The following SOX11 variants were observed in gnomAD, a reference collection of about 807,000 sequenced individuals.
SOX11 encodes the protein transcription factor SOX-11.
Under a neutral mutation model 16.7 loss-of-function variants are expected in SOX11, and 5 were observed. The observed-to-expected ratio is 0.30, with a 90% CI of 0.16 to 0.63. The LOEUF (loss-of-function observed/expected upper bound fraction) is 0.63, where lower values mean the gene tolerates loss of function less well. SOX11 is among the 20% of genes least tolerant of loss of function. SOX11 has a pLI of 0.82. For missense variants in SOX11, 492 were observed against 641.5 expected, an observed-to-expected ratio of 0.77 and a Z score of 2.52; for synonymous variants, 363 against 298.8, an observed-to-expected ratio of 1.21 and a Z score of -2.22.
chr2:5,695,113 T>C lies in SOX11; in HGVS notation c.*1066T>C, dbSNP rs912311373. ...TTGATTTCTTTTTTTTCCTCTGTTTTTTAGCATGCAAGTATGTTGGTACGT... is the reference window on the plus strand; with the variant it reads ...TTGATTTCTTTTTTTTCCTCTGTTTCTTAGCATGCAAGTATGTTGGTACGT... On this transcript the variant is annotated 3_prime_UTR_variant, in exon 1 of 1. Coordinates refer to ENST00000322002, the MANE Select transcript of SOX11 (RefSeq NM_003108.4). 6.0e-6 allele frequency: 1 copy of C among 167,020 alleles called. No homozygotes were observed. Among genetic ancestry groups the C allele is most frequent in the African/African-American group, 2.4e-5 (1 of 41,436 alleles). The allele number at this position is 167,020 out of a possible 1,614,324, so 10.3% of individuals were successfully genotyped here.
In SOX11 at chr2:5,699,408, T is replaced by G. The variant is rs1665797155; in HGVS notation, c.*5361T>G. On this transcript the variant is annotated 3_prime_UTR_variant, in exon 1 of 1. Coordinates refer to ENST00000322002, the MANE Select transcript of SOX11 (RefSeq NM_003108.4). The stretch of plus-strand genomic sequence containing the variant: ...GGATAACAAGAATGAGCCTTACCTA[T>G]CCTAACACAGGGATTTACAAGTTCC... 6.0e-6 allele frequency: 1 copy of G among 167,068 alleles called. No individual in the cohort carries two copies. The highest frequency in any genetic ancestry group is 2.4e-5 in the African/African-American group (1 of 41,470). 10.3% of individuals were successfully genotyped at this position (167,068 alleles called of 1,614,324 possible). A position where few individuals can be genotyped will look rare whatever the true frequency, so the allele number is the denominator to read the frequency against.
At position 5,695,764 on chromosome 2, in the gene SOX11, G is replaced by T. The variant is rs1001004618; in HGVS notation, c.*1717G>T. Reference sequence around the variant, plus strand: ...GCAGGAGAGAATTCTACATTTAGGGGGTTAGGCTGAAAAGTGTTCAATTAG... The same window carrying T: ...GCAGGAGAGAATTCTACATTTAGGGTGTTAGGCTGAAAAGTGTTCAATTAG... On this transcript the variant is annotated 3_prime_UTR_variant, in exon 1 of 1. Transcript: ENST00000322002. The T allele has an allele frequency of 1.8e-5, 3 of 167,168 alleles. No homozygotes were observed. Among genetic ancestry groups the T allele is most frequent in the African/African-American group, 4.8e-5 (2 of 41,400 alleles). The allele number at this position is 167,168 out of a possible 1,614,324, so 10.4% of individuals were successfully genotyped here. A position where few individuals can be genotyped will look rare whatever the true frequency, so the allele number is the denominator to read the frequency against.
chr2:5,695,180 T>C lies in SOX11; in HGVS notation c.*1133T>C, dbSNP rs932211256. 1 of 166,786 alleles carries C rather than the reference T, an allele frequency of 6.0e-6. No homozygotes were observed. Among genetic ancestry groups the C allele is most frequent in the African/African-American group, 2.4e-5 (1 of 41,330 alleles). 10.3% of individuals were successfully genotyped at this position (166,786 alleles called of 1,614,324 possible). ...AAGGATTAAAATTTTAAAATAATCC[T>C]TGCATCTAAAGGCCTTGTGGTTTAA... On this transcript the variant is annotated 3_prime_UTR_variant, in exon 1 of 1. Coordinates refer to ENST00000322002, the MANE Select transcript of SOX11 (RefSeq NM_003108.4).
In SOX11 at chr2:5,693,632, G is replaced by T; in HGVS notation, c.911G>T (p.Gly304Val). 2 of 1,578,690 alleles carry T rather than the reference G, an allele frequency of 1.3e-6. No homozygotes were observed. ...GAGGTGCGGGCCGGCGCGACCTCGG[G>T]CGCCGGGGGCGGCAGCCGCCTCTAC... is the stretch of plus-strand genomic sequence containing the variant. ...YDEVRAGATS[G>V]AGGGSRLYYS... Residue 304 changes from glycine (G) to valine (V), a missense_variant, in exon 1 of 1, where the codon GGC (glycine) becomes GTC (valine). This residue lies in a region of SOX11 where 389 missense variants were observed against 389.0 expected (regional missense o/e 1.00). Transcript: ENST00000322002. The surrounding 1 kb of genome is among the most constrained non-coding windows in gnomAD (Gnocchi z 8.6).
rs183357547 is a variant in SOX11 at position 5,695,463 on chromosome 2, T to C, written c.*1416T>C. 6.0e-6 allele frequency: 1 copy of C among 166,690 alleles called. No individual in the cohort carries two copies. The highest frequency in any genetic ancestry group is 6.6e-5 in the Admixed American group (1 of 15,254). 10.3% of individuals were successfully genotyped at this position (166,690 alleles called of 1,614,324 possible). The stretch of plus-strand genomic sequence containing the variant: ...AAAAAGGCACATAGTTTAAAAAGTT[T>C]CTCATTTTGTGCAATATAATCTAAA... On this transcript the variant is annotated 3_prime_UTR_variant, in exon 1 of 1. Coordinates refer to ENST00000322002, the MANE Select transcript of SOX11 (RefSeq NM_003108.4).
Position 5,693,297 on chromosome 2 carries a change from G to A in SOX11, c.576G>A (p.Gly192=), listed in dbSNP as rs1187955631. Residue 192 remains glycine (G), a synonymous_variant, in exon 1 of 1, where the codon GGG becomes GGA. Transcript: ENST00000322002. The surrounding 1 kb of genome is among the most constrained non-coding windows in gnomAD (Gnocchi z 8.6). ...AGKAAQSGDY[G]GAGDDYVLGS... ...AGGCGGCCCAGTCCGGGGACTACGGGGGCGCGGGCGACGACTACGTGCTGG... is the reference window on the plus strand; with the variant it reads ...AGGCGGCCCAGTCCGGGGACTACGGAGGCGCGGGCGACGACTACGTGCTGG... 1 of 1,537,992 alleles carries A rather than the reference G, an allele frequency of 6.5e-7. No homozygotes were observed. The highest frequency in any genetic ancestry group is 8.7e-7 in the Non-Finnish European group (1 of 1,150,560).
chr2:5,694,235 T>C lies in SOX11; in HGVS notation c.*188T>C. The C allele has an allele frequency of 2.7e-6, 2 of 749,996 alleles. No individual in the cohort carries two copies. The highest frequency in any genetic ancestry group is 4.0e-6 in the Non-Finnish European group (2 of 497,616). 46.5% of individuals were successfully genotyped at this position (749,996 alleles called of 1,614,324 possible). A position where few individuals can be genotyped will look rare whatever the true frequency, so the allele number is the denominator to read the frequency against. On this transcript the variant is annotated 3_prime_UTR_variant, in exon 1 of 1. Transcript: ENST00000322002. ...ATAAGATGTCGTGACGCAAAGAAAT[T>C]GGAAAACATGATGAAAATTTTGGTG...
Position 5,693,982 on chromosome 2 carries a change from C to T in SOX11, c.1261C>T (p.Leu421=). 1.9e-6 allele frequency: 3 copies of T among 1,551,636 alleles called. No individual in the cohort carries two copies. Among genetic ancestry groups the T allele is most frequent in the Admixed American group, 2.0e-5 (1 of 51,010 alleles). The part of the protein sequence containing the change: ...FEFPDYCTPE[L]SEMIAGDWLE... ...GTTCCCCGACTACTGCACGCCGGAG[C>T]TGAGCGAGATGATCGCGGGGGACTG... is the stretch of plus-strand genomic sequence containing the variant. The change falls in exon 1 of 1, where the codon CTG becomes TTG. Residue 421 remains leucine (L), a synonymous_variant. Transcript: ENST00000322002. This position sits in a 1 kb window ranked among gnomAD's most constrained non-coding sequence, Gnocchi z 8.6.
rs987183226 is a variant in SOX11, at chr2:5,694,156, T to G, written c.*109T>G. 7.2e-5 allele frequency: 99 copies of G among 1,374,700 alleles called. No individual in the cohort carries two copies. The highest frequency in any genetic ancestry group is 8.9e-5 in the Non-Finnish European group (92 of 1,033,510). 85.2% of individuals were successfully genotyped at this position (1,374,700 alleles called of 1,614,324 possible). A position where few individuals can be genotyped will look rare whatever the true frequency, so the allele number is the denominator to read the frequency against. ...GATAATGATGATGATGATGGTGGTG[T>G]TGATGGTGGCGGTGGTAGGGTGGAG... On this transcript the variant is annotated 3_prime_UTR_variant, in exon 1 of 1. Coordinates refer to ENST00000322002, the MANE Select transcript of SOX11 (RefSeq NM_003108.4).
In SOX11 at chr2:5,693,611, T is replaced by A; in HGVS notation, c.890T>A (p.Val297Glu). ...SPEGASLYDEVRAGATSGAGG... is the reference protein window; with the variant it reads ...SPEGASLYDEERAGATSGAGG... ...GAGGGAGCGAGCCTCTACGACGAGGTGCGGGCCGGCGCGACCTCGGGCGCC... is the reference window on the plus strand; with the variant it reads ...GAGGGAGCGAGCCTCTACGACGAGGAGCGGGCCGGCGCGACCTCGGGCGCC... Residue 297 changes from valine to glutamate, a missense_variant, in exon 1 of 1, where the codon GTG becomes GAG. Val to Glu is a moderately radical substitution (Grantham distance 121). This residue lies in a region of SOX11 where 389 missense variants were observed against 389.0 expected (regional missense o/e 1.00). Coordinates refer to ENST00000322002, the MANE Select transcript of SOX11 (RefSeq NM_003108.4). This position sits in a 1 kb window ranked among gnomAD's most constrained non-coding sequence, Gnocchi z 8.6. The A allele has an allele frequency of 3.2e-6, 5 of 1,565,134 alleles. No homozygotes were observed. The highest frequency in any genetic ancestry group is 4.3e-6 in the Non-Finnish European group (5 of 1,163,556).
chr2:5,697,501 C>G lies in SOX11; in HGVS notation c.*3454C>G, dbSNP rs1030034731. 1 of 165,634 alleles carries G rather than the reference C, an allele frequency of 6.0e-6. No individual in the cohort carries two copies. The highest frequency in any genetic ancestry group is 2.4e-5 in the African/African-American group (1 of 41,280). 10.3% of individuals were successfully genotyped at this position (165,634 alleles called of 1,614,324 possible). Reference sequence around the variant, plus strand: ...GCCTCTCACCCGCCCCCCAGCCTCCCGCTCTGGGCGAGCCTCCTCCCCAGC... The same window carrying G: ...GCCTCTCACCCGCCCCCCAGCCTCCGGCTCTGGGCGAGCCTCCTCCCCAGC... On this transcript the variant is annotated 3_prime_UTR_variant, in exon 1 of 1. Coordinates refer to ENST00000322002, the MANE Select transcript of SOX11 (RefSeq NM_003108.4).
In SOX11 at chr2:5,698,048, A is replaced by G. The variant is rs1474633855; in HGVS notation, c.*4001A>G. On this transcript the variant is annotated 3_prime_UTR_variant, in exon 1 of 1. Transcript: ENST00000322002. ...GTCAAGATTTTTTTTTTTTAAAGCC[A>G]TGTGGCCTAACTTGATACAAAAATA... 6.0e-6 allele frequency: 1 copy of G among 166,850 alleles called. No homozygotes were observed. Among genetic ancestry groups the G allele is most frequent in the Non-Finnish European group, 1.5e-5 (1 of 68,108 alleles). The allele number at this position is 166,850 out of a possible 1,614,324, so 10.3% of individuals were successfully genotyped here. A position where few individuals can be genotyped will look rare whatever the true frequency, so the allele number is the denominator to read the frequency against.
chr2:5,699,468 T>A lies in SOX11; in HGVS notation c.*5421T>A, dbSNP rs895611890. 2 of 167,000 alleles carry A rather than the reference T, an allele frequency of 1.2e-5. No individual in the cohort carries two copies. The highest frequency in any genetic ancestry group is 2.4e-5 in the African/African-American group (1 of 41,476). The allele number at this position is 167,000 out of a possible 1,614,324, so 10.3% of individuals were successfully genotyped here. A position where few individuals can be genotyped will look rare whatever the true frequency, so the allele number is the denominator to read the frequency against. ...CGTCTCCATGTAACTCTTGACATACTTTTCTGAGATTTGGCTTATTTTTAT... is the reference window on the plus strand; with the variant it reads ...CGTCTCCATGTAACTCTTGACATACATTTCTGAGATTTGGCTTATTTTTAT... On this transcript the variant is annotated 3_prime_UTR_variant, in exon 1 of 1. Coordinates refer to ENST00000322002, the MANE Select transcript of SOX11 (RefSeq NM_003108.4).
chr2:5,700,014 G>C lies in SOX11; in HGVS notation c.*5967G>C. On this transcript the variant is annotated 3_prime_UTR_variant, in exon 1 of 1. Transcript: ENST00000322002. ...ATAAAAGTAATAACTTTATTGGGTA[G>C]AGATATTCTTACAAGATCTAGCACC... The C allele has an allele frequency of 1.8e-5, 3 of 167,074 alleles. No homozygotes were observed. The allele number at this position is 167,074 out of a possible 1,614,324, so 10.3% of individuals were successfully genotyped here. A position where few individuals can be genotyped will look rare whatever the true frequency, so the allele number is the denominator to read the frequency against.
rs1020627612 is a variant in SOX11, at chr2:5,693,363, C to G, written c.642C>G (p.Gly214=). The G allele has an allele frequency of 6.3e-7, 1 of 1,590,900 alleles. No individual in the cohort carries two copies. The highest frequency in any genetic ancestry group is 2.3e-5 in the East Asian group (1 of 44,340). The stretch of plus-strand genomic sequence containing the variant: ...GCGGCTCGGGCGGCGGCGGCGCGGG[C>G]AAGACGGTCAAGTGCGTGTTTCTGG... ...RVSGSGGGGA[G]KTVKCVFLDE... is the part of the protein sequence containing the mutation. Residue 214 remains glycine, a synonymous_variant, in exon 1 of 1, where the codon GGC becomes GGG. Transcript: ENST00000322002. This position sits in a 1 kb window ranked among gnomAD's most constrained non-coding sequence, Gnocchi z 8.6.
Position 5,694,126 on chromosome 2 carries a change from A to G in SOX11, c.*79A>G. ...GGAGGAAGTTGTAGTGGTGATGATG[A>G]TGATGATAATGATGATGATGATGGT... On this transcript the variant is annotated 3_prime_UTR_variant, in exon 1 of 1. Transcript: ENST00000322002. The G allele has an allele frequency of 1.2e-5, 18 of 1,450,208 alleles. No individual in the cohort carries two copies. The highest frequency in any genetic ancestry group is 1.6e-5 in the Non-Finnish European group (18 of 1,093,104). 89.8% of individuals were successfully genotyped at this position (1,450,208 alleles called of 1,614,324 possible). A position where few individuals can be genotyped will look rare whatever the true frequency, so the allele number is the denominator to read the frequency against.
Position 5,699,720 on chromosome 2 carries a change from T to C in SOX11, c.*5673T>C, listed in dbSNP as rs1665801792. The C allele has an allele frequency of 6.1e-6, 1 of 163,526 alleles. No homozygotes were observed. The allele number at this position is 163,526 out of a possible 1,614,324, so 10.1% of individuals were successfully genotyped here. A position where few individuals can be genotyped will look rare whatever the true frequency, so the allele number is the denominator to read the frequency against. On this transcript the variant is annotated 3_prime_UTR_variant, in exon 1 of 1. Coordinates refer to ENST00000322002, the MANE Select transcript of SOX11 (RefSeq NM_003108.4). ...TTACTTACTGCTGGCTTTTTTTTTT[T>C]TTTTTTTCCTTGATTCCTACCATAC... is the stretch of plus-strand genomic sequence containing the variant.
rs766602101 is a variant in SOX11, at chr2:5,693,561, G to T, written c.840G>T (p.Thr280=). ...TCGCCAAAGTGCCCGCCAGCCCTAC[G>T]CTGAGCAGCTCGGCGGAGTCCCCCG... ...YNVAKVPASP[T]LSSSAESPEG... Residue 280 remains threonine, a synonymous_variant, in exon 1 of 1, where the codon ACG becomes ACT. Coordinates refer to ENST00000322002, the MANE Select transcript of SOX11 (RefSeq NM_003108.4). The surrounding 1 kb of genome is among the most constrained non-coding windows in gnomAD (Gnocchi z 8.6). 3.8e-6 allele frequency: 6 copies of T among 1,563,650 alleles called. No homozygotes were observed. Among genetic ancestry groups the T allele is most frequent in the East Asian group, 2.4e-5 (1 of 42,546 alleles).
Position 5,693,515 on chromosome 2 carries a change from A to AGCT in SOX11, c.799_801dup (p.Leu267dup), listed in dbSNP as rs1016589813. On this transcript the variant is annotated inframe_insertion, in exon 1 of 1. Coordinates refer to ENST00000322002, the MANE Select transcript of SOX11 (RefSeq NM_003108.4). This position sits in a 1 kb window ranked among gnomAD's most constrained non-coding sequence, Gnocchi z 8.6. ...CAGCCGCCGGGGCAGCAGCCGTCGC[A>AGCT]GCTGCTGAGACGCTACAACGTCGCC... The AGCT allele has an allele frequency of 6.4e-7, 1 of 1,574,294 alleles. No individual in the cohort carries two copies. The highest frequency in any genetic ancestry group is 8.6e-7 in the Non-Finnish European group (1 of 1,167,552).
Sources: allele counts gnomAD v4.1 joint callset, GRCh38; gene constraint gnomAD v4.1.1; regional missense constraint gnomAD v4.1.1; non-coding constraint Gnocchi (gnomAD v3.1); transcripts MANE v1.5; gene names NCBI Gene and HGNC (gene_info 2026-07-23, HGNC 2026-07-21).